Variants in CHD3 observed in about 807,000 individuals in gnomAD.
CHD3 encodes the protein chromodomain helicase DNA binding protein 3, also known as ATP-dependent chromatin remodeler CHD3.
In CHD3, 52 loss-of-function variants were observed where a neutral mutation model predicts 248.9. The observed-to-expected ratio is 0.21, with a 90% CI of 0.17 to 0.26. The LOEUF is 0.26. Ranked by LOEUF, CHD3 falls within the 10% of genes least tolerant of loss-of-function variation. The pLI is 1.00. For missense variants in CHD3, 1,482 were observed against 2,605.8 expected (o/e 0.57, Z 9.39); for synonymous variants, 985 against 985.2 (o/e 1.00, Z 0.00).
At chr17:7,887,271 T>C (rs1009904191), upstream of CHD3, among the ~76,000 whole-genome samples, 3 of 152,178 alleles carry the variant, frequency 2.0e-5, no homozygotes, top group African/African-American at 7.2e-5. Flanking sequence ...CCATTTTGTT[T>C]TACATTCTTA....
At chr17:7,887,237 C>T (rs1282901161), upstream of CHD3, among the ~76,000 whole-genome samples, 2 of 152,292 alleles carry the variant, frequency 1.3e-5, no homozygotes, top group Admixed American at 1.3e-4. Context: ...CCATTGTTTT[C>T]CATTCCGACT....
In CHD3 at chr17:7,893,409, G is replaced by GGCAGCGGCAGCA. The variant is rs1567840086; in HGVS notation, c.639_650dup (p.Ala216_Ala219dup). On this transcript the variant is annotated inframe_insertion, in exon 5 of 40. Coordinates refer to ENST00000330494, the MANE Select transcript of CHD3 (RefSeq NM_001005273.3). ...AGGGGTCAGCAGCTGCTGTGGCGGC[G>GGCAGCGGCAGCA]GCAGCGGCAGCAGCAGCAGCAGCTG... The GGCAGCGGCAGCA allele has an allele frequency of 2.5e-6, 4 of 1,611,628 alleles. No homozygotes were observed. The highest frequency in any genetic ancestry group is 3.4e-6 in the Non-Finnish European group (4 of 1,179,074).
intron 4 of CHD3, among the ~76,000 whole-genome samples, chr17:7,891,745 C>T (rs1968890530): frequency 6.6e-6 from 1 of 151,914 alleles, no homozygotes; most frequent in African/African-American, 2.4e-5. Flanking sequence ...CCTGTAATCC[C>T]AGCTACTCGG....
intron 20 of CHD3, among the ~76,000 whole-genome samples, chr17:7,901,926 C>T (rs1248287572): frequency 6.6e-6 from 1 of 152,040 alleles, no homozygotes; most frequent in Non-Finnish European, 1.5e-5. Flanking sequence ...GGTATTATTT[C>T]TTCATCTTAT....
In CHD3 at chr17:7,899,039, G is replaced by C. The variant is rs1276632879; in HGVS notation, c.2180G>C (p.Arg727Pro). 2.5e-6 allele frequency: 4 copies of C among 1,614,070 alleles called. No individual in the cohort carries two copies. The highest frequency in any genetic ancestry group is 3.4e-6 in the Non-Finnish European group (4 of 1,180,016). ...ACCGTGAAATATGAGACTCAGCCAC[G>C]GTTTATCACAGCCACTGGAGGCACC... ...DPTVKYETQP[R>P]FITATGGTLH... is the part of the protein sequence containing the mutation. The change falls in exon 14 of 40, where the codon CGG becomes CCG. Residue 727 changes from arginine to proline, a missense_variant. Physicochemically the swap from Arg to Pro is moderately radical, Grantham distance 103. Around this residue, in one of 20 missense-constraint regions of CHD3, gnomAD observed 127 missense variants for 188.3 expected, o/e 0.67. Coordinates refer to ENST00000330494, the MANE Select transcript of CHD3 (RefSeq NM_001005273.3). This position sits in a 1 kb window ranked among gnomAD's most constrained non-coding sequence, Gnocchi z 6.8.
chr17:7,893,740 C>T (rs916103618), intron 5 of CHD3, 65 bp from the exon 6 acceptor site: 4 of 1,580,502 alleles, frequency 2.5e-6, no homozygotes, highest in South Asian at 2.3e-5. Flanking sequence ...GCCCCTGTGA[C>T]CTCCATAATT....
chr17:7,886,658 C>T (rs1455828139), upstream of CHD3, among the ~76,000 whole-genome samples: 2 of 152,274 alleles, frequency 1.3e-5, no homozygotes, highest in African/African-American at 2.4e-5. The surrounding 1 kb of genome is among the most constrained non-coding windows in gnomAD (Gnocchi z 4.2). Context: ...AGAGAGCCCC[C>T]TGCCTTGGCA....
rs1971582285 is a variant in CHD3, at chr17:7,910,929, C to A, written c.5837C>A (p.Ala1946Glu). The change falls in exon 39 of 40, where the codon GCA (alanine) becomes GAA (glutamate). Residue 1946 changes from alanine (A) to glutamate (E), a missense_variant. Ala to Glu is a moderately radical substitution (Grantham distance 107). This residue lies in a region of CHD3 where 117 missense variants were observed against 137.2 expected (regional missense o/e 0.85). Coordinates refer to ENST00000330494, the MANE Select transcript of CHD3 (RefSeq NM_001005273.3). The surrounding 1 kb of genome is among the most constrained non-coding windows in gnomAD (Gnocchi z 4.7). ...SAAPVGALAA[A>E]GANYSQMPAG... Reference sequence around the variant, plus strand: ...GCACCCGTAGGGGCCCTGGCCGCCGCAGGCGCCAATTACAGCCAGATGCCT... The same window carrying A: ...GCACCCGTAGGGGCCCTGGCCGCCGAAGGCGCCAATTACAGCCAGATGCCT... The A allele has an allele frequency of 6.2e-7, 1 of 1,613,606 alleles. No individual in the cohort carries two copies. The highest frequency in any genetic ancestry group is 1.3e-5 in the African/African-American group (1 of 74,880).
In CHD3 at chr17:7,903,481, G is replaced by T; in HGVS notation, c.3705G>T (p.Glu1235Asp). The T allele has an allele frequency of 6.2e-7, 1 of 1,614,032 alleles. No homozygotes were observed. ...ACATTCTCAAATTTGGCACTGAAGA[G>T]CTATTCAAGGATGAAAACGAGGGTG... ...LDDILKFGTE[E>D]LFKDENEGEN... is the part of the protein sequence containing the mutation. The change falls in exon 23 of 40, where the codon GAG becomes GAT. Residue 1235 changes from glutamate to aspartate, a missense_variant. Glu to Asp is a conservative substitution (Grantham distance 45). Around this residue, in one of 20 missense-constraint regions of CHD3, gnomAD observed 156 missense variants for 420.3 expected, o/e 0.37. Transcript: ENST00000330494. The surrounding 1 kb of genome is among the most constrained non-coding windows in gnomAD (Gnocchi z 6.8).
In CHD3 at chr17:7,903,752, A is replaced by G. The variant is rs1265392390; in HGVS notation, c.3728-73A>G. On this transcript the variant is annotated intron_variant, in intron 23 of 39. Coordinates refer to ENST00000330494, the MANE Select transcript of CHD3 (RefSeq NM_001005273.3). The surrounding 1 kb of genome is among the most constrained non-coding windows in gnomAD (Gnocchi z 6.8). ...TCTAGGGCTCCTGTGAAAAGGACGCAGAGTAGAAGCTTTCCCATCAGCCTT... is the reference window on the plus strand; with the variant it reads ...TCTAGGGCTCCTGTGAAAAGGACGCGGAGTAGAAGCTTTCCCATCAGCCTT... 4.6e-6 allele frequency: 7 copies of G among 1,514,220 alleles called. No individual in the cohort carries two copies. The highest frequency in any genetic ancestry group is 1.9e-5 in the Admixed American group (1 of 52,860). 93.8% of individuals were successfully genotyped at this position (1,514,220 alleles called of 1,614,324 possible). A position where few individuals can be genotyped will look rare whatever the true frequency, so the allele number is the denominator to read the frequency against.
intron 4 of CHD3, among the ~76,000 whole-genome samples, chr17:7,892,731 G>A (rs376781469): frequency 2.6e-5 from 4 of 152,028 alleles, no homozygotes; most frequent in East Asian, 1.9e-4. Flanking sequence ...TCTTGACCTC[G>A]TGATCCTCCC....
rs1250516862 is a variant in CHD3 at position 7,910,233 on chromosome 17, C to T, written c.5591-195C>T. On this transcript the variant is annotated intron_variant, in intron 37 of 39. Coordinates refer to ENST00000330494, the MANE Select transcript of CHD3 (RefSeq NM_001005273.3). This position sits in a 1 kb window ranked among gnomAD's most constrained non-coding sequence, Gnocchi z 4.7. The stretch of plus-strand genomic sequence containing the variant: ...TCTGTCTCTTTTCCTGACACTTTTT[C>T]TTTTCCCCTGAGTTGCTTCTGTTTT... The T allele has an allele frequency of 1.6e-6, 1 of 638,726 alleles. No individual in the cohort carries two copies. Among genetic ancestry groups the T allele is most frequent in the Non-Finnish European group, 2.7e-6 (1 of 367,732 alleles). 39.6% of individuals were successfully genotyped at this position (638,726 alleles called of 1,614,324 possible).
intron 10 of CHD3, among the ~76,000 whole-genome samples, chr17:7,896,725 C>A (rs746235212): frequency 9.2e-5 from 14 of 152,052 alleles, no homozygotes; most frequent in Admixed American, 5.2e-4. Context: ...GTGGTGTGAT[C>A]TTGGCTCGCT....
chr17:7,898,954 A>G lies in CHD3; in HGVS notation c.2152-57A>G, dbSNP rs552267142. On this transcript the variant is annotated intron_variant, in intron 13 of 39. Coordinates refer to ENST00000330494, the MANE Select transcript of CHD3 (RefSeq NM_001005273.3). ...TATCCATGCCAGGGAGGAAGAGACT[A>G]AGACTGGAGGAGCCGCCGACTATTT... The G allele has an allele frequency of 2.7e-5, 40 of 1,470,402 alleles. No individual in the cohort carries two copies. In the East Asian group the frequency reaches 7.9e-4, roughly 29 times the overall value. The allele number at this position is 1,470,402 out of a possible 1,614,324, so 91.1% of individuals were successfully genotyped here.
chr17:7,907,531 G>C lies in CHD3; in HGVS notation c.4924+43G>C. On this transcript the variant is annotated intron_variant, in intron 32 of 39. Transcript: ENST00000330494. The surrounding 1 kb of genome is among the most constrained non-coding windows in gnomAD (Gnocchi z 4.3). ...GGAGTGATGGGGGATTAGAATTTGG[G>C]ATTTCCCTCTTCTGGGGTCAGGGGA... 1 of 1,535,432 alleles carries C rather than the reference G, an allele frequency of 6.5e-7. No individual in the cohort carries two copies.
Position 7,907,178 on chromosome 17 carries a change from G to T in CHD3, c.4719G>T (p.Lys1573Asn). 1 of 1,614,232 alleles carries T rather than the reference G, an allele frequency of 6.2e-7. No individual in the cohort carries two copies. The highest frequency in any genetic ancestry group is 1.1e-5 in the South Asian group (1 of 91,090). The change falls in exon 31 of 40, where the codon AAG becomes AAT. Residue 1573 changes from lysine (K) to asparagine (N), a missense_variant. This residue lies in a region of CHD3 where 254 missense variants were observed against 266.7 expected (regional missense o/e 0.95). Transcript: ENST00000330494. This position sits in a 1 kb window ranked among gnomAD's most constrained non-coding sequence, Gnocchi z 4.3. ...KGEGIRTPLE[K>N]EEAENQEEKP... ...AAGGCATAAGGACACCTCTTGAGAA[G>T]GAGGAAGCTGAAAACCAGGAGGAAA...
In CHD3 at chr17:7,888,933, T is replaced by C; in HGVS notation, c.-68T>C. ...GGGAGCAGGGAGATGGGAATAGAAT[T>C]GAAGGTAGGTTTTAGGCTACTTGGG... On this transcript the variant is annotated 5_prime_UTR_variant, in exon 1 of 40. Coordinates refer to ENST00000330494, the MANE Select transcript of CHD3 (RefSeq NM_001005273.3). The C allele has an allele frequency of 6.2e-7, 1 of 1,609,620 alleles. No homozygotes were observed.
At chr17:7,886,884 T>C (rs942586201), upstream of CHD3, among the ~76,000 whole-genome samples, 1 of 152,128 alleles carries the variant, frequency 6.6e-6, no homozygotes, top group South Asian at 2.1e-4. This position sits in a 1 kb window ranked among gnomAD's most constrained non-coding sequence, Gnocchi z 4.2. Context: ...GAGGTTGAGA[T>C]GGGTCTTTGT....
In CHD3 at chr17:7,890,668, G is replaced by A. The variant is rs1256873985; in HGVS notation, c.311G>A (p.Arg104Lys). The A allele has an allele frequency of 6.2e-7, 1 of 1,607,826 alleles. No homozygotes were observed. The highest frequency in any genetic ancestry group is 1.4e-5 in the African/African-American group (1 of 73,976). ...EYGTGPGRKR[R>K]RKHREKKEKK... is the part of the protein sequence containing the mutation. ...GGAACCGGACCGGGTCGGAAACGAA[G>A]AAGGAAGCACCGAGAAAAAAAGGAG... Residue 104 changes from arginine to lysine, a missense_variant, in exon 3 of 40, where the codon AGA (arginine) becomes AAA (lysine). Around this residue, in one of 20 missense-constraint regions of CHD3, gnomAD observed 169 missense variants for 168.1 expected, o/e 1.01. Coordinates refer to ENST00000330494, the MANE Select transcript of CHD3 (RefSeq NM_001005273.3).
Sources: gnomAD v4.1 joint callset for allele counts (sites outside exome capture counted in the v4.1 genomes callset) on GRCh38, gnomAD v4.1.1 for gene constraint, gnomAD v4.1.1 regional missense constraint, Gnocchi (gnomAD v3.1) non-coding constraint, MANE v1.5 for transcripts, NCBI Gene and HGNC (gene_info 2026-07-23, HGNC 2026-07-21) for gene names.